CTTNBP2: variants seen among roughly 807,000 people sequenced by gnomAD.
CTTNBP2 encodes the protein cortactin binding protein 2, also known as cortactin-binding protein 2.
Under a neutral mutation model 156.9 loss-of-function variants are expected in CTTNBP2, and 108 were observed. The observed-to-expected ratio is 0.69, with a 90% CI of 0.59 to 0.81. The LOEUF is 0.81. Ranked by LOEUF, CTTNBP2 falls within the 30% of genes least tolerant of loss-of-function variation. The pLI, the probability that CTTNBP2 is intolerant of heterozygous loss-of-function variation, is 0.00. For missense variants in CTTNBP2, 1,924 were observed against 2,035.4 expected (o/e 0.95, Z 1.05); for synonymous variants, 767 against 751.8 (o/e 1.02, Z -0.33).
intron 2 of CTTNBP2, among the ~76,000 whole-genome samples, chr7:117,855,494 A>G (rs966030566): frequency 2.0e-5 from 3 of 152,184 alleles, no homozygotes; most frequent in African/African-American, 7.2e-5. Flanking sequence ...AAGCAGCAGC[A>G]ATTTGGTCCC....
At chr7:117,733,039 A>C (rs1180784674) in intron 16 of CTTNBP2, among the ~76,000 whole-genome samples, 1 of 152,198 alleles carries the variant, frequency 6.6e-6, no homozygotes, top group Non-Finnish European at 1.5e-5. Flanking sequence ...TTTTTATTAA[A>C]TACTAGTAGA....
At chr7:117,809,567 A>G (rs896875824) in intron 3 of CTTNBP2, among the ~76,000 whole-genome samples, 11 of 152,150 alleles carry the variant, frequency 7.2e-5, no homozygotes, top group Admixed American at 7.2e-4. Flanking sequence ...TAGAGTCCAG[A>G]GTAAAATTCT....
chr7:117,782,893 A>T lies in CTTNBP2; in HGVS notation c.2341T>A (p.Leu781Met). 2 of 1,613,958 alleles carry T rather than the reference A, an allele frequency of 1.2e-6. No individual in the cohort carries two copies. Among genetic ancestry groups the T allele is most frequent in the Non-Finnish European group, 1.7e-6 (2 of 1,179,822 alleles). Residue 781 changes from leucine (L) to methionine (M), a missense_variant, in exon 6 of 23, where the codon TTG (leucine) becomes ATG (methionine). Coordinates refer to ENST00000160373, the MANE Select transcript of CTTNBP2 (RefSeq NM_033427.3). ...NAADKNGFTP[L>M]CAAAAQGHFE... ...TGTCCCTGAGCAGCTGCAGCACACA[A>T]GGGTGTGAAGCCATTTTTATCAGCA...
intron 3 of CTTNBP2, among the ~76,000 whole-genome samples, chr7:117,802,727 C>T (rs2116923510): frequency 6.6e-6 from 1 of 152,190 alleles, no homozygotes; most frequent in East Asian, 1.9e-4. Context: ...GGGCAAAGGA[C>T]ATGAACAGAC....
At chr7:117,715,909 T>A (rs891020147) in intron 22 of CTTNBP2, 1 of 152,236 alleles carries the variant, frequency 6.6e-6, no homozygotes, top group African/African-American at 2.4e-5. Context: ...AACCCAGAAA[T>A]ACCAGCTGAG....
chr7:117,807,601 C>T (rs1301571263), intron 3 of CTTNBP2, among the ~76,000 whole-genome samples: 1 of 152,164 alleles, frequency 6.6e-6, no homozygotes, highest in Non-Finnish European at 1.5e-5. Context: ...TCCTGGTCTT[C>T]TGTGTAGTCT....
rs1562992493 is a variant in CTTNBP2, at chr7:117,773,698, CACACACACA to C, written c.2778+3804_2778+3812del. On this transcript the variant is annotated intron_variant, in intron 8 of 22. Transcript: ENST00000160373. ...ACACACACACACACACACACACACA[CACACACACA>C]CCCCAAAAAACAAAAAGCAGAAAAA... Among the ~76,000 whole-genome samples, 1,045 of 129,954 alleles carry C rather than the reference CACACACACA, an allele frequency of 8.0e-3. 32 individuals carry two copies. The highest frequency in any genetic ancestry group is 0.031 in the African/African-American group (961 of 30,886). 85.3% of individuals were successfully genotyped at this position (129,954 alleles called of 152,430 possible).
At chr7:117,836,542 G>T (rs983298453) in intron 2 of CTTNBP2, among the ~76,000 whole-genome samples, 2 of 152,148 alleles carry the variant, frequency 1.3e-5, no homozygotes, top group Admixed American at 6.5e-5. Flanking sequence ...CAGCCTGGGC[G>T]ACAGAGCGAG....
chr7:117,820,409 A>T (rs1033770421), intron 2 of CTTNBP2, among the ~76,000 whole-genome samples: 8 of 152,230 alleles, frequency 5.3e-5, no homozygotes, highest in Non-Finnish European at 1.5e-5. Flanking sequence ...ATCCAATTTA[A>T]CCACTTTTTA....
intron 1 of CTTNBP2, among the ~76,000 whole-genome samples, chr7:117,862,676 T>C (rs1489536828): frequency 6.6e-6 from 1 of 152,102 alleles, no homozygotes; most frequent in Non-Finnish European, 1.5e-5. Context: ...ACAACATTTA[T>C]CCCCAAATCT....
At chr7:117,797,690 A>C (rs975132432) in intron 3 of CTTNBP2, among the ~76,000 whole-genome samples, 2 of 152,224 alleles carry the variant, frequency 1.3e-5, no homozygotes, top group African/African-American at 4.8e-5. Flanking sequence ...TTAATAGCAG[A>C]TTTGAGAGAG....
intron 2 of CTTNBP2, among the ~76,000 whole-genome samples, chr7:117,848,662 A>T (rs565727272): frequency 6.6e-6 from 1 of 152,206 alleles, no homozygotes; most frequent in Non-Finnish European, 1.5e-5. Flanking sequence ...TTGATTCAGG[A>T]AACTTAGGAC....
In CTTNBP2 at chr7:117,861,259, C is replaced by A. The variant is rs201464133; in HGVS notation, c.139G>T (p.Val47Leu). ...SKSELRMLLS[V>L]MEGELEARDL... ...CTGGCCTCCAGCTCCCCTTCCATCA[C>A]GCTGAGGAGCATCCGCAGCTCGGAT... The change falls in exon 2 of 23, where the codon GTG (valine) becomes TTG (leucine). Residue 47 changes from valine to leucine, a missense_variant. Coordinates refer to ENST00000160373, the MANE Select transcript of CTTNBP2 (RefSeq NM_033427.3). 3.1e-6 allele frequency: 5 copies of A among 1,613,838 alleles called. No homozygotes were observed. Among genetic ancestry groups the A allele is most frequent in the East Asian group, 4.5e-5 (2 of 44,874 alleles).
At chr7:117,872,470 C>G (rs1490178949) in intron 1 of CTTNBP2, among the ~76,000 whole-genome samples, 1 of 152,206 alleles carries the variant, frequency 6.6e-6, no homozygotes, top group Admixed American at 6.5e-5. Context: ...CACCGAGAAC[C>G]TTTTCCACCC....
chr7:117,729,531 T>A (rs534328659), intron 16 of CTTNBP2, among the ~76,000 whole-genome samples: 29 of 152,200 alleles, frequency 1.9e-4, no homozygotes, highest in African/African-American at 7.0e-4. Flanking sequence ...AAGAAAAAAA[T>A]CCATGTAAGT....
At chr7:117,821,518 A>T (rs1181461617) in intron 2 of CTTNBP2, among the ~76,000 whole-genome samples, 4 of 150,898 alleles carry the variant, frequency 2.7e-5, no homozygotes, top group Non-Finnish European at 5.9e-5. Context: ...ATTTTGTTTG[A>T]TGTTTGAATA....
chr7:117,736,837 C>T (rs1795733369), intron 14 of CTTNBP2, among the ~76,000 whole-genome samples: 1 of 152,080 alleles, frequency 6.6e-6, no homozygotes, highest in Admixed American at 6.5e-5. Flanking sequence ...TTCTAAGATG[C>T]CACAGTTTTA....
At position 117,777,620 on chromosome 7, in the gene CTTNBP2, T is replaced by C. The variant is rs1178090016; in HGVS notation, c.2669A>G (p.Glu890Gly). The C allele has an allele frequency of 1.1e-5, 18 of 1,613,846 alleles. No individual in the cohort carries two copies. In the East Asian group the frequency reaches 2.5e-4, roughly 22 times the overall value. The change falls in exon 8 of 23, where the codon GAA becomes GGA. Residue 890 changes from glutamate (E) to glycine (G), a missense_variant. Coordinates refer to ENST00000160373, the MANE Select transcript of CTTNBP2 (RefSeq NM_033427.3). ...ESSVFDLDGG[E>G]ESPEGISKPV... ...CTTGGATATGCCTTCAGGACTCTCTTCTCCTCCATCCAAGTCAAAGACACT... is the reference window on the plus strand; with the variant it reads ...CTTGGATATGCCTTCAGGACTCTCTCCTCCTCCATCCAAGTCAAAGACACT...
Position 117,792,100 on chromosome 7 carries a change from T to C in CTTNBP2, c.1096A>G (p.Ile366Val). 6.2e-7 allele frequency: 1 copy of C among 1,614,096 alleles called. No individual in the cohort carries two copies. The highest frequency in any genetic ancestry group is 8.5e-7 in the Non-Finnish European group (1 of 1,180,006). The change falls in exon 4 of 23, where the codon ATT (isoleucine) becomes GTT (valine). Residue 366 changes from isoleucine (I) to valine (V), a missense_variant. Physicochemically the swap from Ile to Val is conservative, Grantham distance 29 (BLOSUM62 3). Coordinates refer to ENST00000160373, the MANE Select transcript of CTTNBP2 (RefSeq NM_033427.3). This position sits in a 1 kb window ranked among gnomAD's most constrained non-coding sequence, Gnocchi z 4.2. ...IDRQASYGDL[I>V]GASVPAFPPP... ...GGGAAAGCGGGTACAGAAGCGCCAA[T>C]CAAGTCACCATAGGAAGCCTGCCTG... is the stretch of plus-strand genomic sequence containing the variant.
Sources: allele counts gnomAD v4.1 joint callset (sites outside exome capture counted in the v4.1 genomes callset), GRCh38; gene constraint gnomAD v4.1.1; non-coding constraint Gnocchi (gnomAD v3.1); transcripts MANE v1.5; gene names NCBI Gene and HGNC (gene_info 2026-07-23, HGNC 2026-07-21).